Variants in SUSD4 observed in about 807,000 individuals in gnomAD.
SUSD4 encodes the protein sushi domain containing 4.
Under a neutral mutation model 50.5 loss-of-function variants are expected in SUSD4, and 41 were observed. The observed-to-expected ratio is 0.81, with a 90% CI of 0.63 to 1.05. The LOEUF is 1.05. SUSD4 is among the 50% of genes least tolerant of loss of function. The pLI is 0.00. For synonymous variants in SUSD4, 257 were observed against 257.3 expected (o/e 1.00, Z 0.01); for missense variants, 580 against 634.7 (o/e 0.91, Z 0.93).
chr1:223,325,472 G>A (rs1666821705), intron 2 of SUSD4, among the ~76,000 whole-genome samples: 1 of 152,060 alleles, frequency 6.6e-6, no homozygotes, highest in Non-Finnish European at 1.5e-5. Flanking sequence ...TCATCCTATG[G>A]TTTCACCCAT....
chr1:223,264,576 C>T (rs1662347744), intron 5 of SUSD4, 54 bp downstream of exon 5: 2 of 1,597,998 alleles, frequency 1.3e-6, no homozygotes, highest in Non-Finnish European at 1.7e-6. Flanking sequence ...TACTGATCTT[C>T]TTCCTCCCTT....
intron 5 of SUSD4, among the ~76,000 whole-genome samples, chr1:223,245,577 G>A (rs1279901688): frequency 1.3e-5 from 2 of 152,218 alleles, no homozygotes; most frequent in Admixed American, 6.5e-5. Context: ...ATGGAACCAC[G>A]GCAAGTAGTT....
chr1:223,229,040 C>T lies in SUSD4; in HGVS notation c.916+157G>A, dbSNP rs145906296. On this transcript the variant is annotated intron_variant, in intron 6 of 8. Transcript: ENST00000366878. The surrounding 1 kb of genome is among the most constrained non-coding windows in gnomAD (Gnocchi z 4.7). The stretch of plus-strand genomic sequence containing the variant: ...TACAAGCATCTGGCACAGAGCCCAA[C>T]AGCAGCCCCATCGACCCGCAATGAT... 8.3e-4 allele frequency among the ~76,000 whole-genome samples: 127 copies of T among 152,176 alleles called. No homozygotes were observed. Among genetic ancestry groups the T allele is most frequent in the Middle Eastern group, 3.4e-3 (1 of 294 alleles).
Position 223,292,657 on chromosome 1 carries a change from T to G in SUSD4, c.149-6A>C, listed in dbSNP as rs1400130033. The G allele has an allele frequency of 6.2e-7, 1 of 1,613,034 alleles. No homozygotes were observed. Among genetic ancestry groups the G allele is most frequent in the Non-Finnish European group, 8.5e-7 (1 of 1,179,622 alleles). On this transcript the variant is annotated splice_polypyrimidine_tract_variant and splice_region_variant and intron_variant, in intron 2 of 8. Coordinates refer to ENST00000366878, the MANE Select transcript of SUSD4 (RefSeq NM_017982.4). ...CACTTGAAGGTCATCGAACCCTACA[T>G]CAACAAAGAGAGGAAAAGGTGCCTA...
At chr1:223,308,451 T>C (rs1665680225) in intron 2 of SUSD4, among the ~76,000 whole-genome samples, 1 of 152,166 alleles carries the variant, frequency 6.6e-6, no homozygotes, top group South Asian at 2.1e-4. Context: ...GCATCATGCT[T>C]CCTACACAGC....
chr1:223,231,812 G>C lies in SUSD4; in HGVS notation c.725-2424C>G, dbSNP rs1659916970. Among the ~76,000 whole-genome samples, 1 of 152,142 alleles carries C rather than the reference G, an allele frequency of 6.6e-6. No individual in the cohort carries two copies. The highest frequency in any genetic ancestry group is 1.5e-5 in the Non-Finnish European group (1 of 68,036). The stretch of plus-strand genomic sequence containing the variant: ...TCCAGTGGCCCCGGGACTGCCTGGG[G>C]GCCCCCTTCCCTGCACTGCTGGAGC... On this transcript the variant is annotated intron_variant, in intron 5 of 8. Coordinates refer to ENST00000366878, the MANE Select transcript of SUSD4 (RefSeq NM_017982.4). The surrounding 1 kb of genome is among the most constrained non-coding windows in gnomAD (Gnocchi z 4.2).
At chr1:223,341,896 T>C (rs1351622049) in intron 2 of SUSD4, among the ~76,000 whole-genome samples, 1 of 152,052 alleles carries the variant, frequency 6.6e-6, no homozygotes, top group African/African-American at 2.4e-5. Context: ...CACCCCCATC[T>C]GCGCCAAGTT....
chr1:223,273,182 A>C (rs1558202616), intron 3 of SUSD4, among the ~76,000 whole-genome samples: 1 of 152,180 alleles, frequency 6.6e-6, no homozygotes, highest in Non-Finnish European at 1.5e-5. Flanking sequence ...TGGTGTCCTT[A>C]AAAACACTAA....
chr1:223,314,362 T>G (rs1021043297), intron 2 of SUSD4, among the ~76,000 whole-genome samples: 2 of 152,098 alleles, frequency 1.3e-5, no homozygotes, highest in African/African-American at 4.8e-5. Flanking sequence ...GGAACAGAGC[T>G]GAAAGTTACA....
intron 3 of SUSD4, among the ~76,000 whole-genome samples, chr1:223,277,443 G>C (rs901760051): frequency 6.6e-6 from 1 of 152,064 alleles, no homozygotes; most frequent in Non-Finnish European, 1.5e-5. Flanking sequence ...GGTAACCAGG[G>C]ACCCTGGGAC....
chr1:223,251,402 C>A (rs936560168), intron 5 of SUSD4, among the ~76,000 whole-genome samples: 1 of 152,186 alleles, frequency 6.6e-6, no homozygotes, highest in Non-Finnish European at 1.5e-5. Flanking sequence ...ACTCACTCAT[C>A]ACCAAGGGGA....
intron 2 of SUSD4, among the ~76,000 whole-genome samples, chr1:223,323,343 T>G (rs184825745): frequency 1.3e-4 from 20 of 152,198 alleles, no homozygotes; most frequent in Admixed American, 1.1e-3. Context: ...AGATTATGGG[T>G]GCATGAAACC....
At chr1:223,356,713 G>C (rs1243060726) in intron 2 of SUSD4, among the ~76,000 whole-genome samples, 1 of 152,180 alleles carries the variant, frequency 6.6e-6, no homozygotes, top group African/African-American at 2.4e-5. Context: ...CAATAGAAGA[G>C]ATTGCTCCTA....
intron 2 of SUSD4, among the ~76,000 whole-genome samples, chr1:223,324,917 C>T (rs1666786071): frequency 6.6e-6 from 1 of 152,062 alleles, no homozygotes; most frequent in Non-Finnish European, 1.5e-5. Context: ...TTTCCCCCAC[C>T]TCCTACCTAA....
In SUSD4 at chr1:223,267,254, A is replaced by C. The variant is rs149724479; in HGVS notation, c.535+1248T>G. Among the ~76,000 whole-genome samples, 1,071 of 152,220 alleles carry C rather than the reference A, an allele frequency of 7.0e-3. 13 individuals carry two copies. The highest frequency in any genetic ancestry group is 0.024 in the African/African-American group (989 of 41,538). On this transcript the variant is annotated intron_variant, in intron 4 of 8. Coordinates refer to ENST00000366878, the MANE Select transcript of SUSD4 (RefSeq NM_017982.4). ...TTTTCTAATCACTGGGGAAAAAAGA[A>C]CTCCTAAAGGAGCATCTTGTATTTA...
chr1:223,255,394 C>T (rs983649717), intron 5 of SUSD4, among the ~76,000 whole-genome samples: 2 of 152,240 alleles, frequency 1.3e-5, no homozygotes, highest in South Asian at 4.1e-4. Context: ...TTTCTATGAC[C>T]CAAGCCAATC....
intron 2 of SUSD4, among the ~76,000 whole-genome samples, chr1:223,314,756 T>C (rs1666081675): frequency 6.6e-6 from 1 of 152,224 alleles, no homozygotes; most frequent in Non-Finnish European, 1.5e-5. Flanking sequence ...CCCTTTCACC[T>C]TCTGCCATGA....
At chr1:223,248,706 T>C (rs1423643826) in intron 5 of SUSD4, among the ~76,000 whole-genome samples, 1 of 152,194 alleles carries the variant, frequency 6.6e-6, no homozygotes, top group Non-Finnish European at 1.5e-5. Flanking sequence ...CTCAGAGATG[T>C]GCTGACAGAT....
chr1:223,350,631 T>C (rs17578203), intron 2 of SUSD4, among the ~76,000 whole-genome samples: 29,388 of 152,250 alleles, frequency 0.19, 3,495 homozygotes, highest in Non-Finnish European at 0.28. Flanking sequence ...CTCAATGATG[T>C]CCTTTATTCA....
Sources: gnomAD v4.1 joint callset for allele counts (sites outside exome capture counted in the v4.1 genomes callset) on GRCh38, gnomAD v4.1.1 for gene constraint, Gnocchi (gnomAD v3.1) non-coding constraint, MANE v1.5 for transcripts, NCBI Gene and HGNC (gene_info 2026-07-23, HGNC 2026-07-21) for gene names.